Variants in PTPRN2 observed in about 807,000 individuals in gnomAD.
PTPRN2 encodes the protein receptor-type tyrosine-protein phosphatase N2.
Under a neutral mutation model 118.8 loss-of-function variants are expected in PTPRN2, and 74 were observed. The observed-to-expected ratio is 0.62, with a 90% CI of 0.52 to 0.76. The LOEUF (loss-of-function observed/expected upper bound fraction) is 0.76. Ranked by LOEUF, PTPRN2 falls within the 30% of genes least tolerant of loss-of-function variation. The pLI is 0.00. For missense variants in PTPRN2, 1,481 were observed against 1,394.4 expected, an observed-to-expected ratio of 1.06 and a Z score of -0.99; for synonymous variants, 641 against 608.0, an observed-to-expected ratio of 1.05 and a Z score of -0.80.
chr7:157,762,179 A>G (rs1802172903), intron 12 of PTPRN2, among the ~76,000 whole-genome samples: 1 of 152,116 alleles, frequency 6.6e-6, no homozygotes, highest in African/African-American at 2.4e-5. Context: ...TGTGGAAGTC[A>G]GTGTGGCGAT....
intron 11 of PTPRN2, among the ~76,000 whole-genome samples, chr7:158,071,066 C>T (rs1811395349): frequency 1.5e-5 from 1 of 67,700 alleles, no homozygotes. Context: ...GGTGGAGGTG[C>T]TCGTGGTGGT....
chr7:158,061,596 C>T (rs937626649), intron 11 of PTPRN2, among the ~76,000 whole-genome samples: 6 of 152,216 alleles, frequency 3.9e-5, no homozygotes, highest in Non-Finnish European at 7.3e-5. Context: ...TTGTGTCGTC[C>T]GTGAGCACAC....
At position 158,386,641 on chromosome 7, in the gene PTPRN2, C is replaced by T. The variant is rs1165940720; in HGVS notation, c.164-69709G>A. On this transcript the variant is annotated intron_variant, in intron 2 of 22. Transcript: ENST00000389418. ...ACTGTCGATCATCCAAATGCCCAAA[C>T]ATTTAACCTGGAAAAAAATGGATCC... Among the ~76,000 whole-genome samples, 7 of 152,158 alleles carry T rather than the reference C, an allele frequency of 4.6e-5. No homozygotes were observed. The East Asian group carries it at 1.3e-3, about 29-fold the overall frequency.
intron 14 of PTPRN2, among the ~76,000 whole-genome samples, chr7:157,642,533 G>C (rs1804735706): frequency 6.6e-6 from 1 of 152,138 alleles, no homozygotes; most frequent in Non-Finnish European, 1.5e-5. Context: ...GGTTTCTCCA[G>C]GAAGTTTCCA....
At chr7:157,809,317 A>C (rs1805828832) in intron 12 of PTPRN2, among the ~76,000 whole-genome samples, 1 of 142,418 alleles carries the variant, frequency 7.0e-6, no homozygotes, top group Non-Finnish European at 1.5e-5. Flanking sequence ...CCAGGGTTGG[A>C]TGAGATGACA....
rs148325666 is a variant in PTPRN2, at chr7:157,598,209, G to A, written c.2419-2894C>T. 7.7e-3 allele frequency among the ~76,000 whole-genome samples: 1,167 copies of A among 152,254 alleles called. 8 individuals carry two copies. Among genetic ancestry groups the A allele is most frequent in the Non-Finnish European group, 0.014 (953 of 68,012 alleles). On this transcript the variant is annotated intron_variant, in intron 16 of 22. Coordinates refer to ENST00000389418, the MANE Select transcript of PTPRN2 (RefSeq NM_002847.5). The surrounding 1 kb of genome is among the most constrained non-coding windows in gnomAD (Gnocchi z 5.2). ...TGTCCCTCTGTCTTCCCCACCCAGC[G>A]ATCACACGGCACCTACTCTGGCTTC...
intron 12 of PTPRN2, among the ~76,000 whole-genome samples, chr7:157,766,337 A>G (rs1319083972): frequency 1.4e-5 from 2 of 138,492 alleles, no homozygotes; most frequent in Non-Finnish European, 3.0e-5. Flanking sequence ...TCCTTCCTTC[A>G]TCCATCCATC....
intron 2 of PTPRN2, among the ~76,000 whole-genome samples, chr7:158,341,277 C>G (rs1806710561): frequency 6.6e-6 from 1 of 151,114 alleles, no homozygotes; most frequent in Non-Finnish European, 1.5e-5. Context: ...CACCCACACT[C>G]TCACCATAAG....
At chr7:157,594,140 G>A (rs745981099) in intron 17 of PTPRN2, among the ~76,000 whole-genome samples, 5 of 152,206 alleles carry the variant, frequency 3.3e-5, no homozygotes, top group African/African-American at 9.6e-5. Context: ...GGAGGCCCTC[G>A]GAAACCCGGA....
chr7:157,928,185 G>A lies in PTPRN2; in HGVS notation c.1724-29448C>T, dbSNP rs148608208. Among the ~76,000 whole-genome samples the A allele has an allele frequency of 2.4e-3, 360 of 152,298 alleles. 1 individual carries two copies. Among genetic ancestry groups the A allele is most frequent in the Non-Finnish European group, 3.9e-3 (268 of 68,028 alleles). On this transcript the variant is annotated intron_variant, in intron 11 of 22. Coordinates refer to ENST00000389418, the MANE Select transcript of PTPRN2 (RefSeq NM_002847.5). ...AGGACTCTGAGGCCCACCCAAGACC[G>A]TAAAACCAGGGCAGGGCCATAGGCA... is the stretch of plus-strand genomic sequence containing the variant.
chr7:157,988,292 C>T (rs1400241309), intron 11 of PTPRN2, among the ~76,000 whole-genome samples: 10 of 151,862 alleles, frequency 6.6e-5, no homozygotes. Flanking sequence ...ATTATCAGTG[C>T]AGTCTCTGTC....
At chr7:157,894,662 G>A (rs1157249055) in intron 12 of PTPRN2, among the ~76,000 whole-genome samples, 1 of 151,594 alleles carries the variant, frequency 6.6e-6, no homozygotes, top group Non-Finnish European at 1.5e-5. Context: ...GCTGAGAGCT[G>A]GGGTGTGAGT....
At chr7:158,353,653 C>T (rs768756791) in intron 2 of PTPRN2, among the ~76,000 whole-genome samples, 1 of 152,146 alleles carries the variant, frequency 6.6e-6, no homozygotes, top group Non-Finnish European at 1.5e-5. Flanking sequence ...TGAGTCAGGT[C>T]CTGGGGCCAC....
chr7:158,185,490 C>T (rs1825059763), intron 5 of PTPRN2, among the ~76,000 whole-genome samples: 1 of 152,168 alleles, frequency 6.6e-6, no homozygotes, highest in South Asian at 2.1e-4. Context: ...GTATGTTCCT[C>T]TCTTTAGTAC....
At chr7:158,532,895 G>T in intron 1 of PTPRN2, 4 of 497,346 alleles carry the variant, frequency 8.0e-6, no homozygotes, top group Non-Finnish European at 1.7e-5. Context: ...GCTCAGGGAC[G>T]GCCAGGCTCC....
At chr7:157,547,696 C>G (rs769143480) in intron 22 of PTPRN2, among the ~76,000 whole-genome samples, 1 of 152,178 alleles carries the variant, frequency 6.6e-6, no homozygotes, top group South Asian at 2.1e-4. Context: ...CACGCAGCCA[C>G]GCAGAAGCCT....
rs577219040 is a variant in PTPRN2 at position 157,611,307 on chromosome 7, C to T, written c.2345-7232G>A. On this transcript the variant is annotated intron_variant, in intron 15 of 22. Coordinates refer to ENST00000389418, the MANE Select transcript of PTPRN2 (RefSeq NM_002847.5). This position sits in a 1 kb window ranked among gnomAD's most constrained non-coding sequence, Gnocchi z 5.9. ...GGGGCAGGTGGACTAGAAGGAGCCT[C>T]AAGCCCTGGGGGATTCCCATACCTG... is the stretch of plus-strand genomic sequence containing the variant. Among the ~76,000 whole-genome samples the T allele has an allele frequency of 6.6e-6, 1 of 152,198 alleles. No homozygotes were observed. The highest frequency in any genetic ancestry group is 6.5e-5 in the Admixed American group (1 of 15,276).
chr7:158,455,996 C>T lies in PTPRN2; in HGVS notation c.163+33739G>A, dbSNP rs539955758. Among the ~76,000 whole-genome samples the T allele has an allele frequency of 9.7e-4, 147 of 150,856 alleles. 1 individual carries two copies. The highest frequency in any genetic ancestry group is 3.5e-3 in the African/African-American group (143 of 40,702). On this transcript the variant is annotated intron_variant, in intron 2 of 22. Coordinates refer to ENST00000389418, the MANE Select transcript of PTPRN2 (RefSeq NM_002847.5). ...CGCCATCGGCCACGGCCACCCATTG[C>T]TCTGCAGAGAACATAACAGCATGGA...
chr7:157,704,616 C>A (rs1051030063), intron 12 of PTPRN2, among the ~76,000 whole-genome samples: 1 of 152,158 alleles, frequency 6.6e-6, no homozygotes, highest in Admixed American at 6.5e-5. Context: ...CTTCTGGGCA[C>A]ACGTGGAGGG....
Sources: gnomAD v4.1 joint callset for allele counts (sites outside exome capture counted in the v4.1 genomes callset) on GRCh38, gnomAD v4.1.1 for gene constraint, Gnocchi (gnomAD v3.1) non-coding constraint, MANE v1.5 for transcripts, NCBI Gene and HGNC (gene_info 2026-07-23, HGNC 2026-07-21) for gene names.